The following MYH15 variants were observed in gnomAD, a reference collection of about 807,000 sequenced individuals.
The protein encoded by MYH15 is myosin-15.
A neutral mutation model predicts 240.5 loss-of-function variants in MYH15; 227 were observed. That is an observed-to-expected ratio of 0.94 (90% CI 0.85 to 1.05). The LOEUF (loss-of-function observed/expected upper bound fraction) is 1.05, where lower values mean the gene tolerates loss of function less well. MYH15 is among the 50% of genes least tolerant of loss of function. The pLI is 0.00. For synonymous variants in MYH15, 785 were observed against 796.7 expected (o/e 0.99, Z 0.25); for missense variants, 2,217 against 2,247.5 (o/e 0.99, Z 0.27).
At chr3:108,535,754 T>C in the MYH15 span, among the ~76,000 whole-genome samples, 1 of 152,134 alleles carries the variant, frequency 6.6e-6, no homozygotes, top group Non-Finnish European at 1.5e-5. Flanking sequence ...ATATTAACTG[T>C]TTCGACTTAT....
At chr3:108,420,987 T>A in intron 28 of MYH15, 101 bp downstream of exon 28, 1 of 1,505,772 alleles carries the variant, frequency 6.6e-7, no homozygotes, top group Non-Finnish European at 9.1e-7. Flanking sequence ...GATCTTCAGA[T>A]GCCCACTCAG....
At chr3:108,427,934 T>C (rs1255271131) in intron 27 of MYH15, among the ~76,000 whole-genome samples, 1 of 152,224 alleles carries the variant, frequency 6.6e-6, no homozygotes, top group Non-Finnish European at 1.5e-5. Flanking sequence ...CTGATTTCGA[T>C]GATCTCATAG....
the MYH15 span, among the ~76,000 whole-genome samples, chr3:108,547,211 C>T: frequency 6.6e-6 from 1 of 151,870 alleles, no homozygotes; most frequent in Admixed American, 6.6e-5. Flanking sequence ...CTTTGTTGCC[C>T]AGGCTGGTCT....
chr3:108,541,546 G>A, the MYH15 span, among the ~76,000 whole-genome samples: 1 of 151,910 alleles, frequency 6.6e-6, no homozygotes, highest in South Asian at 2.1e-4. Context: ...GAAACAAATA[G>A]TTTTTACATA....
At chr3:108,479,497 T>C (rs2083249175) in intron 11 of MYH15, among the ~76,000 whole-genome samples, 1 of 152,192 alleles carries the variant, frequency 6.6e-6, no homozygotes, top group African/African-American at 2.4e-5. Context: ...GTTATTGTGG[T>C]AGTCCTCAAC....
chr3:108,432,558 A>G (rs114604252), intron 25 of MYH15, among the ~76,000 whole-genome samples: 242 of 152,320 alleles, frequency 1.6e-3, no homozygotes, highest in Non-Finnish European at 2.8e-3. Flanking sequence ...GGTCTTCACT[A>G]CAGACCCTCC....
chr3:108,405,432 T>C lies in MYH15; in HGVS notation c.4642A>G (p.Ser1548Gly). Reference protein sequence around the residue: ...ETEGALERNESKILHFQLELL... With the variant: ...ETEGALERNEGKILHFQLELL... ...TCAAGCTGGAAATGAAGAATCTTGC[T>C]TTCATTACGTTCCAGGGCTCCCTGG... The change falls in exon 33 of 41, where the codon AGC becomes GGC. Residue 1548 changes from serine (S) to glycine (G), a missense_variant. Transcript: ENST00000693548. 1 of 1,524,028 alleles carries C rather than the reference T, an allele frequency of 6.6e-7. No homozygotes were observed. The highest frequency in any genetic ancestry group is 8.9e-7 in the Non-Finnish European group (1 of 1,119,716). 94.4% of individuals were successfully genotyped at this position (1,524,028 alleles called of 1,614,324 possible). A position where few individuals can be genotyped will look rare whatever the true frequency, so the allele number is the denominator to read the frequency against.
At chr3:108,544,705 T>C in the MYH15 span, among the ~76,000 whole-genome samples, 5 of 152,206 alleles carry the variant, frequency 3.3e-5, no homozygotes, top group Non-Finnish European at 7.3e-5. Flanking sequence ...CTGGATTCTG[T>C]ACAAATTCCC....
chr3:108,410,782 G>A lies in MYH15; in HGVS notation c.4296C>T (p.Ala1432=), dbSNP rs1560331340. 2 of 1,614,130 alleles carry A rather than the reference G, an allele frequency of 1.2e-6. No individual in the cohort carries two copies. Among genetic ancestry groups the A allele is most frequent in the Non-Finnish European group, 1.7e-6 (2 of 1,179,992 alleles). ...ACTGCAGCTGCTTCTGGTCCAGCCT[G>A]GCTGCTGCAGAGCGGACCTTCCCGA... ...SDLGKVRSAA[A]RLDQKQLQSG... The change falls in exon 31 of 41, where the codon GCC becomes GCT. Residue 1432 remains alanine, a synonymous_variant. Coordinates refer to ENST00000693548, the MANE Select transcript of MYH15 (RefSeq NM_014981.3).
In MYH15 at chr3:108,470,759, GCATCCAGGGCCCTGTTGATC is replaced by G; in HGVS notation, c.1302_1321del (p.Ile435GlnfsTer12). On this transcript the variant is annotated frameshift_variant, in exon 13 of 41. Transcript: ENST00000693548. LOFTEE classifies it high-confidence loss of function. ...AATGAAGAACTGCCTTGACAGCTTGGCATCCAGGGCCCTGTTGATCCGTGCCACTAGCCACTTAAACATCC... is the reference window on the plus strand; with the variant it reads ...AATGAAGAACTGCCTTGACAGCTTGGCGTGCCACTAGCCACTTAAACATCC... The G allele has an allele frequency of 6.2e-7, 1 of 1,613,744 alleles. No individual in the cohort carries two copies. Among genetic ancestry groups the G allele is most frequent in the African/African-American group, 1.3e-5 (1 of 74,998 alleles).
At chr3:108,502,010 A>G (rs1004280414) in intron 2 of MYH15, among the ~76,000 whole-genome samples, 155 bp from the exon 3 acceptor site, 1 of 152,212 alleles carries the variant, frequency 6.6e-6, no homozygotes, top group East Asian at 1.9e-4. Flanking sequence ...TCATGGAAAA[A>G]AACAGGTGTT....
chr3:108,505,903 C>T (rs919255647), intron 1 of MYH15, 74 bp from the exon 2 acceptor site: 1 of 903,582 alleles, frequency 1.1e-6, no homozygotes, highest in Admixed American at 2.2e-5. Flanking sequence ...CACTTTCATA[C>T]TGATAGATCT....
intron 40 of MYH15, among the ~76,000 whole-genome samples, chr3:108,383,038 C>A (rs1369114860): frequency 2.0e-5 from 3 of 151,998 alleles, no homozygotes; most frequent in Admixed American, 2.0e-4. Context: ...ATTAGAAGAG[C>A]CATTTTGTGG....
At chr3:108,524,893 C>A (rs989147995) in intron 1 of MYH15, among the ~76,000 whole-genome samples, 11 of 152,004 alleles carry the variant, frequency 7.2e-5, no homozygotes, top group Admixed American at 4.6e-4. Flanking sequence ...ATTCAATATT[C>A]TGCTAGAGAC....
At chr3:108,441,329 T>C in intron 22 of MYH15, 69 bp from the exon 23 acceptor site, 1 of 1,555,986 alleles carries the variant, frequency 6.4e-7, no homozygotes, top group Non-Finnish European at 8.8e-7. Context: ...AAAATGCTGC[T>C]TAACACACAG....
intron 1 of MYH15, among the ~76,000 whole-genome samples, chr3:108,522,312 G>A (rs1054157525): frequency 6.6e-6 from 1 of 152,026 alleles, no homozygotes; most frequent in Admixed American, 6.6e-5. Flanking sequence ...AATCTAAAGG[G>A]TAGATAGGTG....
chr3:108,440,680 A>C (rs2082877402), intron 23 of MYH15, among the ~76,000 whole-genome samples: 1 of 131,818 alleles, frequency 7.6e-6, no homozygotes, highest in Non-Finnish European at 1.6e-5. Flanking sequence ...AAACCATATC[A>C]TGCTCCCTCT....
chr3:108,384,686 C>G lies in MYH15; in HGVS notation c.5631+1G>C, dbSNP rs1289401463. On this transcript the variant is annotated splice_donor_variant, in intron 39 of 40. Coordinates refer to ENST00000693548, the MANE Select transcript of MYH15 (RefSeq NM_014981.3). LOFTEE classifies it high-confidence loss of function. ...AGGCTGAAACTTCCCCAGGCACTCA[C>G]CGCCACCTCGACTTGCTGCTTGTAA... 1.2e-6 allele frequency: 2 copies of G among 1,612,882 alleles called. No individual in the cohort carries two copies. Among genetic ancestry groups the G allele is most frequent in the South Asian group, 2.2e-5 (2 of 91,040 alleles).
intron 35 of MYH15, among the ~76,000 whole-genome samples, chr3:108,396,507 C>A (rs1229662095): frequency 6.6e-6 from 1 of 152,194 alleles, no homozygotes; most frequent in Non-Finnish European, 1.5e-5. Flanking sequence ...GGAGGCAAAG[C>A]TCTCTCCCCT....
Sources: gnomAD v4.1 joint callset for allele counts (sites outside exome capture counted in the v4.1 genomes callset) on GRCh38, gnomAD v4.1.1 for gene constraint, MANE v1.5 for transcripts, NCBI Gene and HGNC (gene_info 2026-07-23, HGNC 2026-07-21) for gene names.